The following CEBPZOS variants were observed in gnomAD, a reference collection of about 807,000 sequenced individuals.
CEBPZOS encodes the protein CEBPZ opposite strand, also known as protein CEBPZOS.
A neutral mutation model predicts 4.8 loss-of-function variants in CEBPZOS; 10 were observed. That is an observed-to-expected ratio of 2.07 (90% CI 1.28 to 3.52). The LOEUF (loss-of-function observed/expected upper bound fraction) is 3.52. Among genes scored for constraint, CEBPZOS ranks in the 30% most tolerant of loss-of-function variants. The probability of loss-of-function intolerance (pLI) is 0.00; values close to 1 mark genes in which losing one functional copy is unlikely to be tolerated. For synonymous variants in CEBPZOS, 25 were observed against 14.2 expected (o/e 1.77, Z -1.72); for missense variants, 98 against 43.6 (o/e 2.25, Z -3.51).
At position 37,201,963 on chromosome 2, in the gene CEBPZOS, C is replaced by T; in HGVS notation, c.*103C>T. 2 of 1,514,160 alleles carry T rather than the reference C, an allele frequency of 1.3e-6. No homozygotes were observed. The highest frequency in any genetic ancestry group is 2.5e-5 in the South Asian group (2 of 81,026). The allele number at this position is 1,514,160 out of a possible 1,614,324, so 93.8% of individuals were successfully genotyped here. A position where few individuals can be genotyped will look rare whatever the true frequency, so the allele number is the denominator to read the frequency against. On this transcript the variant is annotated 3_prime_UTR_variant, in exon 5 of 5. Coordinates refer to ENST00000402297, the MANE Select transcript of CEBPZOS (RefSeq NM_001322374.2). Reference sequence around the variant, plus strand: ...ACACTGTAGACTCTTGGTGGTCCCACAGAACATGCTGCTGAGTCACAGGAA... The same window carrying T: ...ACACTGTAGACTCTTGGTGGTCCCATAGAACATGCTGCTGAGTCACAGGAA...
Position 37,202,035 on chromosome 2 carries a change from C to CA in CEBPZOS, c.*176dup. ...TGGTTTCCCACCCACTATACAAACC[C>CA]ACTGCTTGTTTGTTGCTTTTCTTCT... On this transcript the variant is annotated 3_prime_UTR_variant, in exon 5 of 5. Transcript: ENST00000402297. 1.7e-6 allele frequency: 1 copy of CA among 601,856 alleles called. No individual in the cohort carries two copies. The highest frequency in any genetic ancestry group is 2.8e-6 in the Non-Finnish European group (1 of 361,538). 37.3% of individuals were successfully genotyped at this position (601,856 alleles called of 1,614,324 possible).
chr2:37,213,814 T>G, downstream of CEBPZOS: 1 of 1,253,648 alleles, frequency 8.0e-7, no homozygotes, highest in East Asian at 2.4e-5. Context: ...CCATGGTCTA[T>G]TAACACATAG....
At chr2:37,213,419 GT>G (rs1032800366) in intron 4 of CEBPZOS, 16 of 148,068 alleles carry the variant, frequency 1.1e-4, no homozygotes, top group African/African-American at 2.0e-4. Flanking sequence ...TGTTTCTTTT[GT>G]TTTTTTTTTG....
rs912431637 is a variant in CEBPZOS, at chr2:37,196,534, G to A, written c.-2+14G>A. On this transcript the variant is annotated intron_variant, in intron 1 of 4. Coordinates refer to ENST00000402297, the MANE Select transcript of CEBPZOS (RefSeq NM_001322374.2). ...AACGCACCTCAGGTAAGACTCTGGC[G>A]AGTGGCTTCCCATGGGCGGTCGGAT... 1 of 152,290 alleles carries A rather than the reference G, an allele frequency of 6.6e-6. No homozygotes were observed. The highest frequency in any genetic ancestry group is 6.5e-5 in the Admixed American group (1 of 15,290). The allele number at this position is 152,290 out of a possible 1,614,324, so 9.4% of individuals were successfully genotyped here.
At chr2:37,211,328 A>G in intron 4 of CEBPZOS, 1 of 337,900 alleles carries the variant, frequency 3.0e-6, no homozygotes, top group Non-Finnish European at 5.3e-6. Flanking sequence ...AAGACCAAAT[A>G]ATATAAAACC....
chr2:37,207,975 C>A (rs534482832), downstream of CEBPZOS, among the ~76,000 whole-genome samples: 1 of 151,950 alleles, frequency 6.6e-6, no homozygotes, highest in African/African-American at 2.4e-5. Context: ...ATACTACAAC[C>A]GATACCACAG....
In CEBPZOS at chr2:37,202,995, C is replaced by CT. The variant is rs1677352118; in HGVS notation, c.*1141dup. 6.5e-7 allele frequency: 1 copy of CT among 1,549,792 alleles called. No homozygotes were observed. The highest frequency in any genetic ancestry group is 2.1e-5 in the Admixed American group (1 of 48,460). On this transcript the variant is annotated 3_prime_UTR_variant, in exon 5 of 5. Transcript: ENST00000402297. ...GGCTGGAATCATTTAAGTTTCTTTTCTTTTTTCTTGGCCCTAAAAAAAATT... is the reference window on the plus strand; with the variant it reads ...GGCTGGAATCATTTAAGTTTCTTTTCTTTTTTTCTTGGCCCTAAAAAAAATT...
At chr2:37,199,148 AAT>A (rs1677087673) in intron 1 of CEBPZOS, among the ~76,000 whole-genome samples, 1 of 150,128 alleles carries the variant, frequency 6.7e-6, no homozygotes, top group Admixed American at 6.6e-5. Context: ...ATGTTGTATT[AAT>A]AGTTTAGTAT....
chr2:37,210,855 T>C (rs1034514069), intron 4 of CEBPZOS: 1 of 493,176 alleles, frequency 2.0e-6, no homozygotes, highest in Admixed American at 3.8e-5. Flanking sequence ...TGGAAAATAA[T>C]TTCCACTTAA....
At position 37,202,669 on chromosome 2, in the gene CEBPZOS, AAAAAAAAAAAAAAAAAAAAAAAAG is replaced by A. The variant is rs1229439734; in HGVS notation, c.*812_*835del. The A allele has an allele frequency of 3.4e-4, 45 of 134,190 alleles. No individual in the cohort carries two copies. Among genetic ancestry groups the A allele is most frequent in the African/African-American group, 1.5e-3 (40 of 26,142 alleles). 8.3% of individuals were successfully genotyped at this position (134,190 alleles called of 1,614,324 possible). A position where few individuals can be genotyped will look rare whatever the true frequency, so the allele number is the denominator to read the frequency against. On this transcript the variant is annotated 3_prime_UTR_variant, in exon 5 of 5. Coordinates refer to ENST00000402297, the MANE Select transcript of CEBPZOS (RefSeq NM_001322374.2). ...CAAAAAAAAAAAAAAAAAAAAAAAA[AAAAAAAAAAAAAAAAAAAAAAAAG>A]AATAAATAAAATAACGAAAATTTCC...
chr2:37,200,615 G>A (rs1005752128), intron 2 of CEBPZOS, among the ~76,000 whole-genome samples: 1 of 152,014 alleles, frequency 6.6e-6, no homozygotes, highest in Non-Finnish European at 1.5e-5. Flanking sequence ...TGGAAGGACT[G>A]CTTGAGCTCA....
At chr2:37,212,323 G>A in intron 4 of CEBPZOS, 1 of 1,609,304 alleles carries the variant, frequency 6.2e-7, no homozygotes, top group Non-Finnish European at 8.5e-7. Flanking sequence ...GGAGAAGATA[G>A]AAGTATGTTA....
chr2:37,213,825 T>G (rs1232770987), downstream of CEBPZOS: 1 of 1,344,268 alleles, frequency 7.4e-7, no homozygotes, highest in African/African-American at 1.5e-5. Context: ...TAACACATAG[T>G]AGTAGATTAT....
chr2:37,209,185 G>C (rs1411653975), downstream of CEBPZOS: 1 of 152,020 alleles, frequency 6.6e-6, no homozygotes, highest in East Asian at 1.9e-4. Flanking sequence ...TTCATGGATG[G>C]GTAGAATCGA....
chr2:37,200,062 A>G (rs1417593345), intron 2 of CEBPZOS, among the ~76,000 whole-genome samples: 4 of 152,144 alleles, frequency 2.6e-5, no homozygotes, highest in Admixed American at 6.6e-5. Context: ...GGATTTTACT[A>G]TTGTGGAGGA....
chr2:37,209,689 G>A (rs945593937), downstream of CEBPZOS: 1 of 152,122 alleles, frequency 6.6e-6, no homozygotes, highest in Non-Finnish European at 1.5e-5. Context: ...AAAAATTCTA[G>A]AATATAACAT....
rs183893876 is a variant in CEBPZOS at position 37,204,125 on chromosome 2, T to C, written c.*2265T>C. ...ACACATTTGCATGCATTAGGAAGTT[T>C]TTTTTGGGTTTTATTCATCCTGTAG... On this transcript the variant is annotated 3_prime_UTR_variant, in exon 5 of 5. Coordinates refer to ENST00000402297, the MANE Select transcript of CEBPZOS (RefSeq NM_001322374.2). The C allele has an allele frequency of 6.6e-4, 101 of 152,272 alleles. No individual in the cohort carries two copies. Among genetic ancestry groups the C allele is most frequent in the African/African-American group, 2.3e-3 (96 of 41,538 alleles). 9.4% of individuals were successfully genotyped at this position (152,272 alleles called of 1,614,324 possible). A position where few individuals can be genotyped will look rare whatever the true frequency, so the allele number is the denominator to read the frequency against.
At chr2:37,197,173 C>T (rs2148312843) in intron 1 of CEBPZOS, 1 of 152,726 alleles carries the variant, frequency 6.5e-6, no homozygotes, top group African/African-American at 2.4e-5. Flanking sequence ...GATGCCTTTC[C>T]CTGTGCCGAG....
At chr2:37,198,077 T>A (rs1677036613) in intron 1 of CEBPZOS, among the ~76,000 whole-genome samples, 1 of 151,828 alleles carries the variant, frequency 6.6e-6, no homozygotes, top group Non-Finnish European at 1.5e-5. Context: ...AGAGAATTGC[T>A]TGAATCCGGC....
Sources: allele counts gnomAD v4.1 joint callset (sites outside exome capture counted in the v4.1 genomes callset), GRCh38; gene constraint gnomAD v4.1.1; transcripts MANE v1.5; gene names NCBI Gene and HGNC (gene_info 2026-07-23, HGNC 2026-07-21).